STAG1: variants seen among roughly 807,000 people sequenced by gnomAD.
STAG1 encodes STAG1 cohesin complex component.
A neutral mutation model predicts 170.9 loss-of-function variants in STAG1; 26 were observed. The observed-to-expected ratio is 0.15, with a 90% CI of 0.11 to 0.21. The LOEUF is 0.21. Ranked by LOEUF, STAG1 falls within the 10% of genes least tolerant of loss-of-function variation. The probability of loss-of-function intolerance (pLI) is 1.00; values close to 1 mark genes in which losing one functional copy is unlikely to be tolerated. For missense variants in STAG1, 964 were observed against 1,509.5 expected (o/e 0.64, Z 5.99); for synonymous variants, 514 against 497.7 (o/e 1.03, Z -0.44).
chr3:136,465,080 T>A (rs1269171987), intron 12 of STAG1, 92 bp from the exon 13 acceptor site: 4 of 833,516 alleles, frequency 4.8e-6, no homozygotes, highest in Non-Finnish European at 1.8e-6. Flanking sequence ...ATTATAAAGC[T>A]CAAGACTTAA....
chr3:136,480,899 A>C (rs1340639559), intron 9 of STAG1, among the ~76,000 whole-genome samples: 2 of 142,820 alleles, frequency 1.4e-5, no homozygotes, highest in African/African-American at 5.1e-5. Flanking sequence ...TTGGTGTATA[A>C]GAATGCTTGT....
chr3:136,383,410 A>G (rs995529154), intron 22 of STAG1, among the ~76,000 whole-genome samples: 2 of 152,220 alleles, frequency 1.3e-5, no homozygotes, highest in African/African-American at 2.4e-5. Context: ...TTTTAATTTG[A>G]AAAAAGTTAC....
At chr3:136,542,795 C>G (rs756396797) in intron 5 of STAG1, among the ~76,000 whole-genome samples, 1 of 152,066 alleles carries the variant, frequency 6.6e-6, no homozygotes, top group Non-Finnish European at 1.5e-5. Flanking sequence ...CTCCCAGGCA[C>G]TTGATGCTTA....
intron 2 of STAG1, among the ~76,000 whole-genome samples, chr3:136,624,565 C>T (rs990332741): frequency 1.3e-5 from 2 of 152,186 alleles, no homozygotes; most frequent in East Asian, 3.9e-4. Flanking sequence ...AACTTCTCTG[C>T]TGACTCAGAT....
intron 13 of STAG1, among the ~76,000 whole-genome samples, chr3:136,456,369 G>A (rs1247495989): frequency 6.6e-6 from 1 of 151,978 alleles, no homozygotes; most frequent in Non-Finnish European, 1.5e-5. Context: ...TAACTGAAGT[G>A]AAAAACTCAC....
intron 1 of STAG1, among the ~76,000 whole-genome samples, chr3:136,642,687 T>C (rs149554616): frequency 5.9e-5 from 9 of 152,352 alleles, no homozygotes; most frequent in Non-Finnish European, 1.3e-4. Context: ...GCAAGGCTCT[T>C]CCCTTGTATT....
intron 9 of STAG1, among the ~76,000 whole-genome samples, chr3:136,488,283 C>T (rs1041001050): frequency 9.2e-5 from 14 of 152,112 alleles, no homozygotes; most frequent in Admixed American, 2.6e-4. Context: ...CCACTGCATC[C>T]GGCTAATTTT....
intron 1 of STAG1, among the ~76,000 whole-genome samples, chr3:136,719,135 G>T (rs564118927): frequency 6.6e-6 from 1 of 152,258 alleles, no homozygotes; most frequent in East Asian, 1.9e-4. Context: ...CCAAATGTTT[G>T]AAACTCAAAT....
rs143952475 is a variant in STAG1, at chr3:136,452,136, C to T, written c.1325G>A (p.Arg442Lys). 1.9e-6 allele frequency: 3 copies of T among 1,612,334 alleles called. No homozygotes were observed. The South Asian group carries it at 3.3e-5, about 18-fold the overall frequency. Residue 442 changes from arginine (R) to lysine (K), a missense_variant, in exon 14 of 34, where the codon AGA (arginine) becomes AAA (lysine). By Grantham distance (26) the Arg-to-Lys change is conservative. Coordinates refer to ENST00000383202, the MANE Select transcript of STAG1 (RefSeq NM_005862.3). ...GEFLHKKLFS[R>K]HDPQAEEALA... ...TGCTTCTTCTGCTTGTGGGTCATGTCTGCTAAATAGCCTGGAAATGAAAAA... is the reference window on the plus strand; with the variant it reads ...TGCTTCTTCTGCTTGTGGGTCATGTTTGCTAAATAGCCTGGAAATGAAAAA...
At chr3:136,341,190 G>A (rs1935954974) in intron 31 of STAG1, among the ~76,000 whole-genome samples, 1 of 152,178 alleles carries the variant, frequency 6.6e-6, no homozygotes, top group Non-Finnish European at 1.5e-5. Context: ...GATTACAGGC[G>A]GAGCCACCGC....
chr3:136,403,667 T>C (rs2087401396), intron 21 of STAG1, among the ~76,000 whole-genome samples: 1 of 152,162 alleles, frequency 6.6e-6, no homozygotes, highest in African/African-American at 2.4e-5. Flanking sequence ...TGTTGAAGAA[T>C]TGCTTTATTT....
intron 12 of STAG1, among the ~76,000 whole-genome samples, chr3:136,469,240 G>A (rs1246283741): frequency 7.2e-5 from 11 of 152,122 alleles, no homozygotes; most frequent in Non-Finnish European, 1.0e-4. Flanking sequence ...AAACCCCATC[G>A]TCTCAGCCCA....
At chr3:136,543,151 A>G (rs1339059790) in intron 5 of STAG1, among the ~76,000 whole-genome samples, 1 of 152,218 alleles carries the variant, frequency 6.6e-6, no homozygotes, top group African/African-American at 2.4e-5. Flanking sequence ...CCTCCAAGAA[A>G]GAGAAATGGG....
intron 4 of STAG1, among the ~76,000 whole-genome samples, chr3:136,572,085 C>T (rs1937282235): frequency 6.6e-6 from 1 of 152,076 alleles, no homozygotes; most frequent in Non-Finnish European, 1.5e-5. Context: ...CATGGTGGCA[C>T]ATGCCTGTAA....
chr3:136,461,051 T>C lies in STAG1; in HGVS notation c.1313+3830A>G, dbSNP rs566148166. Among the ~76,000 whole-genome samples the C allele has an allele frequency of 3.5e-4, 54 of 152,324 alleles. 1 individual carries two copies. In the South Asian group the frequency reaches 0.011, roughly 32 times the overall value. ...TAACCATATGCATTATCAGTAAATG[T>C]GATACATCACATCAACAGACTGAAA... is the stretch of plus-strand genomic sequence containing the variant. On this transcript the variant is annotated intron_variant, in intron 13 of 33. Coordinates refer to ENST00000383202, the MANE Select transcript of STAG1 (RefSeq NM_005862.3).
At chr3:136,370,566 T>C (rs1370557071) in intron 23 of STAG1, among the ~76,000 whole-genome samples, 1 of 152,186 alleles carries the variant, frequency 6.6e-6, no homozygotes, top group Non-Finnish European at 1.5e-5. Context: ...TGTGTCCATG[T>C]GTTCTCATTG....
intron 1 of STAG1, among the ~76,000 whole-genome samples, chr3:136,663,271 T>A (rs1941638946): frequency 1.3e-5 from 2 of 152,286 alleles, no homozygotes; most frequent in Non-Finnish European, 2.9e-5. Context: ...AGCCAGGAAC[T>A]GTCCTAAGAA....
At chr3:136,544,008 T>C (rs977405833) in intron 5 of STAG1, among the ~76,000 whole-genome samples, 2 of 152,164 alleles carry the variant, frequency 1.3e-5, no homozygotes, top group Non-Finnish European at 2.9e-5. Context: ...ATTCAAATAC[T>C]GTTTCAAGAG....
intron 28 of STAG1, among the ~76,000 whole-genome samples, chr3:136,349,891 C>T (rs1272622666): frequency 2.0e-5 from 3 of 152,156 alleles, no homozygotes; most frequent in Non-Finnish European, 2.9e-5. Flanking sequence ...CCGTGGCTCA[C>T]GCCTGTAAAT....
Sources: allele counts gnomAD v4.1 joint callset (sites outside exome capture counted in the v4.1 genomes callset), GRCh38; gene constraint gnomAD v4.1.1; transcripts MANE v1.5; gene names NCBI Gene and HGNC (gene_info 2026-07-23, HGNC 2026-07-21).